TTLL11: variants seen among roughly 807,000 people sequenced by gnomAD.
The protein encoded by TTLL11 is tubulin tyrosine ligase like 11.
Under a neutral mutation model 51.7 loss-of-function variants are expected in TTLL11, and 42 were observed. The ratio of observed to expected loss-of-function variants is 0.81; its 90% CI spans 0.64 to 1.05. TTLL11 has a LOEUF of 1.05. TTLL11 is among the 50% of genes least tolerant of loss of function. The pLI, the probability that TTLL11 is intolerant of heterozygous loss-of-function variation, is 0.00. For missense variants in TTLL11, 799 were observed against 940.4 expected (o/e 0.85, Z 1.97); for synonymous variants, 381 against 383.5 (o/e 0.99, Z 0.08).
chr9:122,093,041 C>A lies in TTLL11; in HGVS notation c.108G>T (p.Thr36=). 1.3e-6 allele frequency: 2 copies of A among 1,521,856 alleles called. No individual in the cohort carries two copies. The highest frequency in any genetic ancestry group is 2.4e-5 in the South Asian group (2 of 82,380). 94.3% of individuals were successfully genotyped at this position (1,521,856 alleles called of 1,614,324 possible). ...AKAEAEATAE[T]VAEQVRVDAG... ...CGTCCACGCGGACCTGTTCCGCCAC[C>A]GTCTCCGCTGTGGCCTCGGCCTCAG... The change falls in exon 1 of 9, where the codon ACG becomes ACT. Residue 36 remains threonine, a synonymous_variant. Transcript: ENST00000321582.
chr9:122,030,566 C>T (rs900687676), intron 3 of TTLL11, among the ~76,000 whole-genome samples: 4 of 152,060 alleles, frequency 2.6e-5, no homozygotes, highest in Non-Finnish European at 4.4e-5. Context: ...GCCTCAGTTT[C>T]CTCATCCATA....
At chr9:121,891,877 C>G (rs1333823984) in intron 6 of TTLL11, among the ~76,000 whole-genome samples, 1 of 151,066 alleles carries the variant, frequency 6.6e-6, no homozygotes, top group East Asian at 1.9e-4. Context: ...AAATTCTCAC[C>G]TGGGCTAAAT....
chr9:122,011,431 T>C (rs1036568998), intron 3 of TTLL11, among the ~76,000 whole-genome samples: 1 of 152,204 alleles, frequency 6.6e-6, no homozygotes, highest in Non-Finnish European at 1.5e-5. Flanking sequence ...TTCACGATTA[T>C]AGCCAGAGCA....
intron 6 of TTLL11, among the ~76,000 whole-genome samples, chr9:121,871,456 C>A (rs1293081005): frequency 6.6e-6 from 1 of 152,106 alleles, no homozygotes; most frequent in Non-Finnish European, 1.5e-5. Flanking sequence ...GCCAGTTACT[C>A]AACAGGAAAG....
intron 6 of TTLL11, among the ~76,000 whole-genome samples, chr9:121,926,646 G>C (rs980990906): frequency 6.6e-6 from 1 of 152,158 alleles, no homozygotes. Flanking sequence ...CGGGGCCAAG[G>C]CTCCATCAAC....
At chr9:122,073,564 C>T (rs1182782682) in intron 1 of TTLL11, among the ~76,000 whole-genome samples, 1 of 152,116 alleles carries the variant, frequency 6.6e-6, no homozygotes, top group Non-Finnish European at 1.5e-5. Flanking sequence ...GCTGGGAAGG[C>T]TTCTTAAAGA....
At chr9:121,950,858 G>C (rs902204661) in intron 6 of TTLL11, among the ~76,000 whole-genome samples, 2 of 152,138 alleles carry the variant, frequency 1.3e-5, no homozygotes, top group African/African-American at 4.8e-5. Context: ...CCATGACCTG[G>C]AGTAAAATGA....
At chr9:122,085,183 C>T (rs747801129) in intron 1 of TTLL11, among the ~76,000 whole-genome samples, 1 of 152,194 alleles carries the variant, frequency 6.6e-6, no homozygotes, top group East Asian at 1.9e-4. Context: ...TCGCTTGAAC[C>T]CAGGAGGCAG....
rs145293099 is a variant in TTLL11, at chr9:121,833,398, G to A, written c.1841-10519C>T. The stretch of plus-strand genomic sequence containing the variant: ...TGCTCTCCACTCCCGGGAAGGCATC[G>A]TTGCACTCAGGGCTTTATGAAAACA... On this transcript the variant is annotated intron_variant, in intron 8 of 8. Transcript: ENST00000321582. Among the ~76,000 whole-genome samples, 206 of 152,308 alleles carry A rather than the reference G, an allele frequency of 1.4e-3. 1 individual carries two copies. The highest frequency in any genetic ancestry group is 4.8e-3 in the African/African-American group (199 of 41,568).
intron 3 of TTLL11, among the ~76,000 whole-genome samples, chr9:122,024,294 C>A (rs1052934912): frequency 6.6e-6 from 1 of 152,058 alleles, no homozygotes; most frequent in Non-Finnish European, 1.5e-5. Context: ...AAATTAAAGA[C>A]CTAAATAAAA....
intron 3 of TTLL11, among the ~76,000 whole-genome samples, chr9:122,000,162 A>G (rs148135997): frequency 1.3e-5 from 2 of 152,264 alleles, no homozygotes; most frequent in African/African-American, 4.8e-5. Context: ...GGTCAGCACA[A>G]TATACAGGTC....
In TTLL11 at chr9:121,853,398, C is replaced by A. The variant is rs1247750964; in HGVS notation, c.1840+6939G>T. On this transcript the variant is annotated intron_variant, in intron 8 of 8. Coordinates refer to ENST00000321582, the MANE Select transcript of TTLL11 (RefSeq NM_001139442.2). The surrounding 1 kb of genome is among the most constrained non-coding windows in gnomAD (Gnocchi z 5.6). ...GACGGTACTGGGCCCAGCCTGAGCA[C>A]TGGGGGAGGCTCTGTGAGGGAGGGG... Among the ~76,000 whole-genome samples the A allele has an allele frequency of 7.6e-6, 1 of 131,916 alleles. No individual in the cohort carries two copies. The highest frequency in any genetic ancestry group is 1.6e-5 in the Non-Finnish European group (1 of 63,366). 86.5% of individuals were successfully genotyped at this position (131,916 alleles called of 152,430 possible).
chr9:121,895,286 G>T (rs751225309), intron 6 of TTLL11, among the ~76,000 whole-genome samples: 7 of 151,808 alleles, frequency 4.6e-5, no homozygotes, highest in Non-Finnish European at 1.0e-4. Flanking sequence ...CTATGTTTGT[G>T]TGTGTTTGTG....
chr9:121,942,790 T>C (rs947601874), intron 6 of TTLL11, among the ~76,000 whole-genome samples: 2 of 150,924 alleles, frequency 1.3e-5, no homozygotes, highest in African/African-American at 4.9e-5. Context: ...CTTTCACACT[T>C]TCCTGCCTTT....
chr9:121,957,036 G>A (rs1349034770), intron 6 of TTLL11, among the ~76,000 whole-genome samples: 3 of 152,124 alleles, frequency 2.0e-5, no homozygotes, highest in Admixed American at 6.5e-5. Flanking sequence ...CTGATGCCCC[G>A]CTGTGCCCTC....
chr9:122,043,126 A>G (rs1303242952), intron 1 of TTLL11, among the ~76,000 whole-genome samples: 1 of 152,194 alleles, frequency 6.6e-6, no homozygotes, highest in Non-Finnish European at 1.5e-5. Flanking sequence ...CATCAGTTGT[A>G]AAAAACACAC....
chr9:121,881,622 C>T (rs1033711703), intron 6 of TTLL11, among the ~76,000 whole-genome samples: 2 of 152,210 alleles, frequency 1.3e-5, no homozygotes, highest in Non-Finnish European at 2.9e-5. Flanking sequence ...CTCAGCATCA[C>T]GCCAGGAGTT....
chr9:121,860,275 A>G, intron 8 of TTLL11, 62 bp downstream of exon 8: 1 of 1,321,700 alleles, frequency 7.6e-7, no homozygotes, highest in Non-Finnish European at 1.1e-6. Flanking sequence ...AAGGAACAGA[A>G]AATATACCAC....
rs771957343 is a variant in TTLL11 at position 121,989,181 on chromosome 9, C to T, written c.1269+14G>A. ...CAAGGCTGGAAACGCAGGCTGGGAACTGGCAATGGTTACCTGGAAGCACGT... is the reference window on the plus strand; with the variant it reads ...CAAGGCTGGAAACGCAGGCTGGGAATTGGCAATGGTTACCTGGAAGCACGT... On this transcript the variant is annotated intron_variant, in intron 4 of 8. Transcript: ENST00000321582. The surrounding 1 kb of genome is among the most constrained non-coding windows in gnomAD (Gnocchi z 4.2). The T allele has an allele frequency of 4.2e-5, 67 of 1,611,632 alleles. No individual in the cohort carries two copies. The highest frequency in any genetic ancestry group is 5.5e-5 in the Non-Finnish European group (65 of 1,178,446).
Sources: gnomAD v4.1 joint callset for allele counts (sites outside exome capture counted in the v4.1 genomes callset) on GRCh38, gnomAD v4.1.1 for gene constraint, Gnocchi (gnomAD v3.1) non-coding constraint, MANE v1.5 for transcripts, NCBI Gene and HGNC (gene_info 2026-07-23, HGNC 2026-07-21) for gene names.